YEATS4: variants seen among roughly 807,000 people sequenced by gnomAD.
YEATS4 encodes the protein YEATS domain-containing protein 4.
In YEATS4, 17 loss-of-function variants were observed where a neutral mutation model predicts 30.1. The ratio of observed to expected loss-of-function variants is 0.56; its 90% CI spans 0.39 to 0.85. The LOEUF (loss-of-function observed/expected upper bound fraction) is 0.85. Among genes scored for constraint, YEATS4 ranks in the 40% least tolerant of loss-of-function variants. The pLI is 0.00. For synonymous variants in YEATS4, 85 were observed against 87.5 expected, an observed-to-expected ratio of 0.97 and a Z score of 0.16; for missense variants, 142 against 268.3, an observed-to-expected ratio of 0.53 and a Z score of 3.29.
the YEATS4 span, among the ~76,000 whole-genome samples, chr12:69,426,260 C>G: frequency 6.6e-6 from 1 of 152,036 alleles, no homozygotes; most frequent in Admixed American, 6.6e-5. Context: ...TAATAATAAA[C>G]TATTTGTATA....
chr12:69,404,474 G>A, the YEATS4 span, among the ~76,000 whole-genome samples: 5 of 152,082 alleles, frequency 3.3e-5, no homozygotes, highest in African/African-American at 1.2e-4. Flanking sequence ...TTGTGGGAGT[G>A]GACTCCTGAT....
At chr12:69,425,598 G>A in the YEATS4 span, among the ~76,000 whole-genome samples, 3 of 152,144 alleles carry the variant, frequency 2.0e-5, no homozygotes, top group African/African-American at 4.8e-5. Context: ...CACCTCCCCC[G>A]ACTTCCAGAT....
chr12:69,399,732 A>C, the YEATS4 span, among the ~76,000 whole-genome samples: 1 of 152,244 alleles, frequency 6.6e-6, no homozygotes, highest in Non-Finnish European at 1.5e-5. Context: ...ATTGGAAACA[A>C]TCCCCATGTC....
chr12:69,389,954 C>T lies in YEATS4; in HGVS notation c.515-193C>T, dbSNP rs191988084. On this transcript the variant is annotated intron_variant, in intron 6 of 6. Transcript: ENST00000247843. ...TTTTATTTTTAGTTGTAGGAAACAT[C>T]TTAGATCCTCTCTTGGGAATTCAGA... 3.5e-4 allele frequency among the ~76,000 whole-genome samples: 54 copies of T among 152,208 alleles called. No homozygotes were observed. In the East Asian group the frequency reaches 9.5e-3, roughly 27 times the overall value.
chr12:69,425,054 G>A, the YEATS4 span, among the ~76,000 whole-genome samples: 15 of 152,052 alleles, frequency 9.9e-5, no homozygotes, highest in South Asian at 4.2e-4. Flanking sequence ...TGAGTAGTTG[G>A]GATTACAGGC....
At chr12:69,402,206 C>G in the YEATS4 span, among the ~76,000 whole-genome samples, 1 of 152,180 alleles carries the variant, frequency 6.6e-6, no homozygotes, top group Non-Finnish European at 1.5e-5. Flanking sequence ...TTTCCTCTCT[C>G]TATTCTAGCC....
In YEATS4 at chr12:69,372,146, A is replaced by T. The variant is rs538291644; in HGVS notation, c.514+1171A>T. Among the ~76,000 whole-genome samples the T allele has an allele frequency of 4.6e-5, 7 of 152,294 alleles. No individual in the cohort carries two copies. In the South Asian group the frequency reaches 1.2e-3, roughly 27 times the overall value. On this transcript the variant is annotated intron_variant, in intron 6 of 6. Coordinates refer to ENST00000247843, the MANE Select transcript of YEATS4 (RefSeq NM_006530.4). ...GATTATTAAACTGAGATATGAAGTC[A>T]TTTGTGAGTTTTGAGCAAAGGAATG...
At chr12:69,399,202 A>G in the YEATS4 span, among the ~76,000 whole-genome samples, 1 of 152,132 alleles carries the variant, frequency 6.6e-6, no homozygotes, top group South Asian at 2.1e-4. Flanking sequence ...AGGACATTCT[A>G]AAAAAAGTCA....
the YEATS4 span, among the ~76,000 whole-genome samples, chr12:69,421,947 T>C: frequency 6.6e-6 from 1 of 152,216 alleles, no homozygotes; most frequent in Non-Finnish European, 1.5e-5. Context: ...AGCTACCAGT[T>C]CTAGCAACCC....
the YEATS4 span, among the ~76,000 whole-genome samples, chr12:69,395,886 A>G: frequency 6.6e-6 from 1 of 152,212 alleles, no homozygotes; most frequent in Admixed American, 6.5e-5. Flanking sequence ...TAATGTAAAA[A>G]TAGGCAGTTA....
At chr12:69,403,324 C>A in the YEATS4 span, among the ~76,000 whole-genome samples, 1 of 152,108 alleles carries the variant, frequency 6.6e-6, no homozygotes, top group Non-Finnish European at 1.5e-5. Context: ...CACCTGTAAT[C>A]CCAGCACTTT....
intron 1 of YEATS4, among the ~76,000 whole-genome samples, chr12:69,360,560 A>G (rs1199117515): frequency 6.6e-6 from 1 of 152,190 alleles, no homozygotes; most frequent in Non-Finnish European, 1.5e-5. Context: ...CATGGGGAAC[A>G]TTCAGTAAAT....
the YEATS4 span, among the ~76,000 whole-genome samples, chr12:69,422,127 G>A: frequency 1.3e-5 from 2 of 152,220 alleles, no homozygotes; most frequent in African/African-American, 4.8e-5. Context: ...GGTCCAAGAA[G>A]GGGGTGGAGG....
chr12:69,416,423 C>T, the YEATS4 span, among the ~76,000 whole-genome samples: 7 of 152,306 alleles, frequency 4.6e-5, no homozygotes, highest in South Asian at 1.5e-3. Context: ...GCAAAACAAT[C>T]GGCCCCAAGG....
chr12:69,379,139 T>C (rs141791788), intron 6 of YEATS4, among the ~76,000 whole-genome samples: 1 of 152,360 alleles, frequency 6.6e-6, no homozygotes, highest in East Asian at 1.9e-4. Flanking sequence ...AGAGCTCCAT[T>C]GTATGTTACT....
At chr12:69,416,130 G>A in the YEATS4 span, among the ~76,000 whole-genome samples, 1 of 152,170 alleles carries the variant, frequency 6.6e-6, no homozygotes, top group East Asian at 1.9e-4. Flanking sequence ...AGTGGGAACT[G>A]CTGTGCATTC....
chr12:69,385,223 C>G (rs1479694037), intron 6 of YEATS4, among the ~76,000 whole-genome samples: 1 of 151,576 alleles, frequency 6.6e-6, no homozygotes, highest in Non-Finnish European at 1.5e-5. Flanking sequence ...ACCTCAGACT[C>G]CTAAAGTACT....
chr12:69,360,112 T>G (rs1347546182), intron 1 of YEATS4, 89 bp downstream of exon 1: 8 of 1,414,080 alleles, frequency 5.7e-6, no homozygotes, highest in Non-Finnish European at 7.7e-6. Flanking sequence ...TGGGTTTCCT[T>G]TCGCGCCTTT....
At chr12:69,382,693 T>C (rs569332932) in intron 6 of YEATS4, among the ~76,000 whole-genome samples, 1 of 152,366 alleles carries the variant, frequency 6.6e-6, no homozygotes, top group African/African-American at 2.4e-5. Flanking sequence ...AAGTCCCCTT[T>C]ACTCTTTCCT....
Sources: allele counts gnomAD v4.1 joint callset (sites outside exome capture counted in the v4.1 genomes callset), GRCh38; gene constraint gnomAD v4.1.1; transcripts MANE v1.5; gene names NCBI Gene and HGNC (gene_info 2026-07-23, HGNC 2026-07-21).